The following SLIT3 variants were observed in gnomAD, a reference collection of about 807,000 sequenced individuals.
SLIT3 encodes slit guidance ligand 3.
In SLIT3, 68 loss-of-function variants were observed where a neutral mutation model predicts 184.0. That is an observed-to-expected ratio of 0.37 (90% CI 0.30 to 0.45). The LOEUF (loss-of-function observed/expected upper bound fraction) is 0.45. SLIT3 is among the 20% of genes least tolerant of loss of function. The pLI, the probability that SLIT3 is intolerant of heterozygous loss-of-function variation, is 1.00. For synonymous variants in SLIT3, 831 were observed against 828.6 expected, an observed-to-expected ratio of 1.00 and a Z score of -0.05; for missense variants, 1,707 against 2,026.0, an observed-to-expected ratio of 0.84 and a Z score of 3.02.
At chr5:168,713,461 T>G (rs774590719) in intron 23 of SLIT3, among the ~76,000 whole-genome samples, 6 of 152,220 alleles carry the variant, frequency 3.9e-5, no homozygotes, top group Non-Finnish European at 8.8e-5. Flanking sequence ...AATCATCAAC[T>G]GCATAAAAAA....
At chr5:169,158,305 G>C (rs1475838750) in intron 4 of SLIT3, among the ~76,000 whole-genome samples, 1 of 152,094 alleles carries the variant, frequency 6.6e-6, no homozygotes, top group Non-Finnish European at 1.5e-5. Context: ...ATGAAGTCCA[G>C]AAGGAAGTGA....
chr5:168,756,356 C>T (rs1754946829), intron 16 of SLIT3, among the ~76,000 whole-genome samples: 1 of 152,190 alleles, frequency 6.6e-6, no homozygotes, highest in Non-Finnish European at 1.5e-5. Flanking sequence ...GCTGACTGCC[C>T]TCTTCCCAAG....
chr5:168,806,342 G>C, intron 9 of SLIT3, 104 bp downstream of exon 9: 3 of 1,275,218 alleles, frequency 2.4e-6, no homozygotes, highest in Non-Finnish European at 3.4e-6. Flanking sequence ...TTAATGGTCA[G>C]CTCCAGCAGC....
chr5:169,223,085 A>AT (rs933761844), intron 3 of SLIT3, among the ~76,000 whole-genome samples: 10 of 151,858 alleles, frequency 6.6e-5, no homozygotes, highest in Admixed American at 2.0e-4. Context: ...TTCAGTCCGG[A>AT]TTTTTTTTTC....
rs1271244382 is a variant in SLIT3 at position 168,952,534 on chromosome 5, A to AAAAAAAAAAAAAAAAAAG, written c.414-69199_414-69198insCTTTTTTTTTTTTTTTTT. Among the ~76,000 whole-genome samples, 17 of 60,306 alleles carry AAAAAAAAAAAAAAAAAAG rather than the reference A, an allele frequency of 2.8e-4. 1 individual carries two copies. The highest frequency in any genetic ancestry group is 1.3e-3 in the African/African-American group (17 of 13,374). 39.6% of individuals were successfully genotyped at this position (60,306 alleles called of 152,430 possible). A position where few individuals can be genotyped will look rare whatever the true frequency, so the allele number is the denominator to read the frequency against. On this transcript the variant is annotated intron_variant, in intron 4 of 35. Transcript: ENST00000519560. Reference sequence around the variant, plus strand: ...AGAGAAGAAGGGAAAATGCCAAAAAAAAAAAAAAAAAAAAGAGGGGAGAAG... The same window carrying AAAAAAAAAAAAAAAAAAG: ...AGAGAAGAAGGGAAAATGCCAAAAAAAAAAAAAAAAAAAAAAAGAAAAAAAAAAAAAAGAGGGGAGAAG...
chr5:169,136,215 C>T (rs552693276), intron 4 of SLIT3, among the ~76,000 whole-genome samples: 1 of 152,316 alleles, frequency 6.6e-6, no homozygotes, highest in East Asian at 1.9e-4. Context: ...TTTCCGTCAA[C>T]ATGGGAAACT....
chr5:168,990,626 T>A (rs1755286059), intron 4 of SLIT3, among the ~76,000 whole-genome samples: 2 of 152,132 alleles, frequency 1.3e-5, no homozygotes, highest in African/African-American at 4.8e-5. Context: ...GTAAATAGAA[T>A]TATAGGTTGA....
rs767257796 is a variant in SLIT3 at position 168,710,959 on chromosome 5, A to G, written c.2655T>C (p.Ser885=). The change falls in exon 25 of 36, where the codon AGT becomes AGC. Residue 885 remains serine, a synonymous_variant. Coordinates refer to ENST00000519560, the MANE Select transcript of SLIT3 (RefSeq NM_003062.4). ...GCCTGTCAGCCATGGGCTCAGGGCT[A>G]CTGCAGCGGGCGATGCCAGGCTCCT... ...GYKEPGIARC[S]SPEPMADRLL... The G allele has an allele frequency of 7.7e-6, 12 of 1,565,990 alleles. No individual in the cohort carries two copies. In the South Asian group the frequency reaches 1.3e-4, roughly 17 times the overall value.
intron 9 of SLIT3, among the ~76,000 whole-genome samples, chr5:168,802,526 C>T (rs142927510): frequency 5.5e-4 from 83 of 152,282 alleles, no homozygotes; most frequent in Non-Finnish European, 1.0e-3. Flanking sequence ...GTGCCCAATA[C>T]GCAGGGGCAG....
At chr5:168,879,974 T>C (rs183772219) in intron 5 of SLIT3, among the ~76,000 whole-genome samples, 1 of 152,356 alleles carries the variant, frequency 6.6e-6, no homozygotes, top group East Asian at 1.9e-4. Context: ...TATGAGAATT[T>C]GCCATCATTC....
chr5:168,988,081 G>A (rs949184781), intron 4 of SLIT3, among the ~76,000 whole-genome samples: 5 of 152,220 alleles, frequency 3.3e-5, no homozygotes, highest in African/African-American at 1.2e-4. Context: ...TCCCTAGGCT[G>A]GGCTTCGCCA....
At chr5:169,212,726 T>A (rs1764307547) in intron 3 of SLIT3, among the ~76,000 whole-genome samples, 1 of 152,216 alleles carries the variant, frequency 6.6e-6, no homozygotes, top group African/African-American at 2.4e-5. Flanking sequence ...TTGCCTAAGT[T>A]TTCTTGCAGG....
At chr5:169,225,963 G>A (rs552640255) in intron 3 of SLIT3, among the ~76,000 whole-genome samples, 2 of 152,346 alleles carry the variant, frequency 1.3e-5, no homozygotes, top group African/African-American at 4.8e-5. Flanking sequence ...AGACAGGGAA[G>A]AGAGGAGGTC....
At chr5:169,065,476 C>T (rs1561640661) in intron 4 of SLIT3, among the ~76,000 whole-genome samples, 1 of 152,210 alleles carries the variant, frequency 6.6e-6, no homozygotes, top group Non-Finnish European at 1.5e-5. Flanking sequence ...TAGAGTTGAG[C>T]CCACGTCCTG....
intron 9 of SLIT3, among the ~76,000 whole-genome samples, chr5:168,801,640 G>A (rs1175382777): frequency 1.3e-5 from 2 of 152,200 alleles, no homozygotes; most frequent in South Asian, 4.1e-4. Context: ...GAAGACTCAT[G>A]AGGGCGTCTG....
In SLIT3 at chr5:168,773,061, A is replaced by G. The variant is rs1004170799; in HGVS notation, c.1296-117T>C. The G allele has an allele frequency of 3.7e-5, 40 of 1,085,028 alleles. No individual in the cohort carries two copies. The Admixed American group carries it at 5.9e-4, about 16-fold the overall frequency. 67.2% of individuals were successfully genotyped at this position (1,085,028 alleles called of 1,614,324 possible). ...ACTGCAAGGACTGGCCTCCTGCCTC[A>G]TCGCCCCAGGAAGCCTTAGGGGGTG... On this transcript the variant is annotated intron_variant, in intron 13 of 35. Coordinates refer to ENST00000519560, the MANE Select transcript of SLIT3 (RefSeq NM_003062.4).
At chr5:168,689,708 A>G (rs1054985943) in intron 29 of SLIT3, among the ~76,000 whole-genome samples, 6 of 152,220 alleles carry the variant, frequency 3.9e-5, no homozygotes, top group African/African-American at 1.4e-4. Flanking sequence ...GTACAAGGAG[A>G]ACTCCAAGGA....
At chr5:168,879,922 T>A (rs1759886146) in intron 5 of SLIT3, among the ~76,000 whole-genome samples, 1 of 152,244 alleles carries the variant, frequency 6.6e-6, no homozygotes, top group Non-Finnish European at 1.5e-5. Context: ...CCCCCAGAAC[T>A]AGCACTTAGA....
chr5:168,699,595 A>G (rs1481606464), intron 27 of SLIT3, among the ~76,000 whole-genome samples: 1 of 152,216 alleles, frequency 6.6e-6, no homozygotes. Context: ...GAAAAACCTA[A>G]GTGACTTCTA....
Sources: gnomAD v4.1 joint callset for allele counts (sites outside exome capture counted in the v4.1 genomes callset) on GRCh38, gnomAD v4.1.1 for gene constraint, MANE v1.5 for transcripts, NCBI Gene and HGNC (gene_info 2026-07-23, HGNC 2026-07-21) for gene names.